TENM2: variants seen among roughly 807,000 people sequenced by gnomAD.
The protein encoded by TENM2 is teneurin-2.
In TENM2, 52 loss-of-function variants were observed where a neutral mutation model predicts 245.2. That is an observed-to-expected ratio of 0.21 (90% confidence interval 0.17 to 0.27). The LOEUF is 0.27. TENM2 is among the 10% of genes least tolerant of loss of function. The probability of loss-of-function intolerance (pLI) is 1.00; values close to 1 mark genes in which losing one functional copy is unlikely to be tolerated. For missense variants in TENM2, 3,046 were observed against 3,666.8 expected (o/e 0.83, Z 4.37); for synonymous variants, 1,363 against 1,438.9 (o/e 0.95, Z 1.19).
At chr5:168,211,594 G>T in intron 19 of TENM2, 140 bp from the exon 22 acceptor site, 1 of 579,912 alleles carries the variant, frequency 1.7e-6, no homozygotes, top group Non-Finnish European at 3.0e-6. Context: ...GCCAGGAGTT[G>T]TCAGTTACAG....
intron 3 of TENM2, among the ~76,000 whole-genome samples, chr5:167,923,998 C>T (rs748263999): frequency 2.0e-5 from 3 of 152,182 alleles, no homozygotes; most frequent in Admixed American, 6.5e-5. Context: ...GTGGTGTGAG[C>T]ATGCTTTTGT....
intron 4 of TENM2, among the ~76,000 whole-genome samples, chr5:167,960,526 A>C (rs1001908678): frequency 6.6e-6 from 1 of 151,690 alleles, no homozygotes; most frequent in Admixed American, 6.6e-5. Context: ...AAGCCTCAGT[A>C]ATAGTGGACC....
chr5:167,021,606 G>T, the TENM2 span, among the ~76,000 whole-genome samples: 1 of 152,154 alleles, frequency 6.6e-6, no homozygotes, highest in Non-Finnish European at 1.5e-5. Flanking sequence ...ACCATATGTT[G>T]CTTTTTGTAT....
intron 2 of TENM2, among the ~76,000 whole-genome samples, chr5:167,479,024 A>G (rs992703543): frequency 6.6e-6 from 1 of 151,738 alleles, no homozygotes; most frequent in African/African-American, 2.4e-5. Flanking sequence ...ACATGTGTTT[A>G]TGTGTGTGTG....
the TENM2 span, among the ~76,000 whole-genome samples, chr5:166,979,194 CCAGCAGCAGCAGCAG>C: frequency 7.9e-3 from 1,119 of 142,130 alleles, 19 homozygotes; most frequent in East Asian, 0.061. Context: ...AGCACCACCA[CCAGCAGCAGCAGCAG>C]CAGCAGCAGC....
At chr5:167,843,289 G>A (rs536421389) in intron 2 of TENM2, among the ~76,000 whole-genome samples, 1 of 47,908 alleles carries the variant, frequency 2.1e-5, no homozygotes, top group South Asian at 4.6e-4. Flanking sequence ...CTGAGAATTT[G>A]AGGACGTTTT....
At chr5:167,012,965 A>C in the TENM2 span, among the ~76,000 whole-genome samples, 4 of 152,320 alleles carry the variant, frequency 2.6e-5, no homozygotes, top group South Asian at 8.3e-4. Flanking sequence ...AAAGGCTAAC[A>C]TAATTGGAGT....
chr5:167,253,389 C>A, the TENM2 span, among the ~76,000 whole-genome samples: 317 of 151,916 alleles, frequency 2.1e-3, 4 homozygotes, highest in African/African-American at 7.1e-3. Flanking sequence ...AGAGCCACTG[C>A]CCCTGACTTG....
At chr5:167,435,061 T>C (rs1214608863) in intron 2 of TENM2, among the ~76,000 whole-genome samples, 1 of 152,254 alleles carries the variant, frequency 6.6e-6, no homozygotes, top group Admixed American at 6.5e-5. Flanking sequence ...CTAGATTTTC[T>C]ATACCTCATT....
At chr5:168,212,662 T>G (rs11740385) in intron 20 of TENM2, among the ~76,000 whole-genome samples, 44,580 of 152,124 alleles carry the variant, frequency 0.29, 8,295 homozygotes, top group Non-Finnish European at 0.41. Context: ...GACAAAGTCC[T>G]CTGTCTTCTT....
chr5:167,968,538 A>G (rs2151912708), intron 4 of TENM2, among the ~76,000 whole-genome samples: 1 of 152,024 alleles, frequency 6.6e-6, no homozygotes, highest in South Asian at 2.1e-4. Context: ...AACAATTAAT[A>G]CTCCTGTAAA....
intron 2 of TENM2, among the ~76,000 whole-genome samples, chr5:167,391,733 G>T (rs770563052): frequency 2.6e-5 from 4 of 151,988 alleles, no homozygotes; most frequent in Non-Finnish European, 4.4e-5. Context: ...AGGATTTGGG[G>T]CTTATTCATT....
chr5:167,017,499 G>C, the TENM2 span, among the ~76,000 whole-genome samples: 2 of 152,232 alleles, frequency 1.3e-5, no homozygotes, highest in African/African-American at 4.8e-5. Flanking sequence ...TAAACAGATG[G>C]GTGTTGCTGT....
At chr5:167,019,285 C>T in the TENM2 span, among the ~76,000 whole-genome samples, 2 of 151,988 alleles carry the variant, frequency 1.3e-5, no homozygotes, top group Non-Finnish European at 2.9e-5. Context: ...GAAACTGGTA[C>T]ACGAAAGGTC....
At chr5:168,067,901 A>G (rs925785348) in intron 7 of TENM2, among the ~76,000 whole-genome samples, 1 of 152,136 alleles carries the variant, frequency 6.6e-6, no homozygotes. Context: ...ACGAAGTTTC[A>G]TTTCATTTTG....
At chr5:167,093,160 A>AT in the TENM2 span, among the ~76,000 whole-genome samples, 1 of 152,176 alleles carries the variant, frequency 6.6e-6, no homozygotes, top group African/African-American at 2.4e-5. Flanking sequence ...GAAAAAAAAA[A>AT]GTTGTGACAA....
At chr5:168,206,721 GCCT>G (rs1320021807) in intron 19 of TENM2, among the ~76,000 whole-genome samples, 2 of 152,130 alleles carry the variant, frequency 1.3e-5, no homozygotes, top group Non-Finnish European at 2.9e-5. Context: ...TCCTAGGAAA[GCCT>G]CCTTTTCTCA....
intron 6 of TENM2, among the ~76,000 whole-genome samples, chr5:168,052,340 G>A (rs940274500): frequency 1.3e-5 from 2 of 151,474 alleles, no homozygotes; most frequent in Non-Finnish European, 2.9e-5. Flanking sequence ...GCAGTGAGCT[G>A]AGATCATGCC....
the TENM2 span, among the ~76,000 whole-genome samples, chr5:167,235,714 A>T: frequency 6.6e-6 from 1 of 152,178 alleles, no homozygotes; most frequent in East Asian, 1.9e-4. Flanking sequence ...CAACTCCAGC[A>T]GAAAAAGACC....
Sources: gnomAD v4.1 joint callset for allele counts (sites outside exome capture counted in the v4.1 genomes callset) on GRCh38, gnomAD v4.1.1 for gene constraint, MANE v1.5 for transcripts, NCBI Gene and HGNC (gene_info 2026-07-23, HGNC 2026-07-21) for gene names.